Variants in ST14 observed in about 807,000 individuals in gnomAD.
ST14 encodes the protein ST14 transmembrane serine protease matriptase.
In ST14, 40 loss-of-function variants were observed where a neutral mutation model predicts 96.5. That is an observed-to-expected ratio of 0.41 (90% confidence interval 0.32 to 0.54). The LOEUF (loss-of-function observed/expected upper bound fraction) is 0.54. ST14 is among the 20% of genes least tolerant of loss of function. The pLI, the probability that ST14 is intolerant of heterozygous loss-of-function variation, is 0.17. For synonymous variants in ST14, 506 were observed against 492.1 expected, an observed-to-expected ratio of 1.03 and a Z score of -0.37; for missense variants, 1,066 against 1,188.9, an observed-to-expected ratio of 0.90 and a Z score of 1.52.
rs376693422 is a variant in ST14 at position 130,172,216 on chromosome 11, G to A, written c.81+12156G>A. ...TGCAGCCTTGACATCCCAGGCTCAAGTGATCCTCCCACCTCAGCCCGCTGA... is the reference window on the plus strand; with the variant it reads ...TGCAGCCTTGACATCCCAGGCTCAAATGATCCTCCCACCTCAGCCCGCTGA... On this transcript the variant is annotated intron_variant, in intron 1 of 18. Transcript: ENST00000278742. Among the ~76,000 whole-genome samples, 139 of 151,820 alleles carry A rather than the reference G, an allele frequency of 9.2e-4. 7 individuals are homozygous for A. In the South Asian group the frequency reaches 0.028, roughly 30 times the overall value.
intron 9 of ST14, among the ~76,000 whole-genome samples, chr11:130,195,019 A>G (rs1346750160): frequency 6.6e-6 from 1 of 152,164 alleles, no homozygotes; most frequent in Non-Finnish European, 1.5e-5. Context: ...AGACCAAGGC[A>G]GGAGGATCAC....
chr11:130,166,732 A>G (rs1485909666), intron 1 of ST14, among the ~76,000 whole-genome samples: 1 of 152,212 alleles, frequency 6.6e-6, no homozygotes, highest in African/African-American at 2.4e-5. Context: ...AGAAACCACG[A>G]GACCCAGAGT....
intron 1 of ST14, among the ~76,000 whole-genome samples, chr11:130,175,048 A>C (rs945220023): frequency 2.0e-5 from 3 of 152,250 alleles, no homozygotes; most frequent in Non-Finnish European, 4.4e-5. Context: ...GGAGAACTGC[A>C]GGTTAGGTGG....
Position 130,197,862 on chromosome 11 carries a change from G to A in ST14, c.1376G>A (p.Cys459Tyr). ...SSDPCPGQFT[C>Y]RTGRCIRKEL... Reference sequence around the variant, plus strand: ...GCAGCATGCCCGGGGCAGTTCACGTGCCGCACGGGGCGGTGTATCCGGAAG... The same window carrying A: ...GCAGCATGCCCGGGGCAGTTCACGTACCGCACGGGGCGGTGTATCCGGAAG... Residue 459 changes from cysteine to tyrosine, a missense_variant, in exon 12 of 19, where the codon TGC becomes TAC. By Grantham distance (194) the Cys-to-Tyr change is radical. Coordinates refer to ENST00000278742, the MANE Select transcript of ST14 (RefSeq NM_021978.4). 2 of 1,587,158 alleles carry A rather than the reference G, an allele frequency of 1.3e-6. No individual in the cohort carries two copies. Among genetic ancestry groups the A allele is most frequent in the Non-Finnish European group, 1.7e-6 (2 of 1,170,430 alleles).
chr11:130,178,508 G>A (rs1006846677), intron 1 of ST14, among the ~76,000 whole-genome samples: 1 of 152,234 alleles, frequency 6.6e-6, no homozygotes, highest in African/African-American at 2.4e-5. Flanking sequence ...AGTTGGGACG[G>A]GACTTGAAAC....
chr11:130,173,395 G>A (rs1349877659), intron 1 of ST14, among the ~76,000 whole-genome samples: 1 of 152,066 alleles, frequency 6.6e-6, no homozygotes, highest in Non-Finnish European at 1.5e-5. Flanking sequence ...GTCAGGAGTC[G>A]AGACCAGCCT....
rs1294637980 is a variant in ST14, at chr11:130,188,970, C to T, written c.440+31C>T. On this transcript the variant is annotated intron_variant, in intron 4 of 18. Coordinates refer to ENST00000278742, the MANE Select transcript of ST14 (RefSeq NM_021978.4). The surrounding 1 kb of genome is among the most constrained non-coding windows in gnomAD (Gnocchi z 5.4). ...TGTGGAGAGAAGGCTCAGTGGGATG[C>T]ACCCCAGACTGGCTGGGAGTAGGAT... 6.3e-7 allele frequency: 1 copy of T among 1,593,220 alleles called. No homozygotes were observed.
chr11:130,209,002 G>A (rs1953518209), intron 17 of ST14, among the ~76,000 whole-genome samples: 1 of 152,212 alleles, frequency 6.6e-6, no homozygotes. Context: ...TAAGGCACGT[G>A]AGGGGGTGGG....
At position 130,187,536 on chromosome 11, in the gene ST14, AC is replaced by A. The variant is rs961350688; in HGVS notation, c.82-576del. ...GAGCAGTTTTTTCCATGACAGCACC[AC>A]CTTTTTACTTTTGGCTGGTTCACCA... On this transcript the variant is annotated intron_variant, in intron 1 of 18. Transcript: ENST00000278742. This position sits in a 1 kb window ranked among gnomAD's most constrained non-coding sequence, Gnocchi z 4.5. Among the ~76,000 whole-genome samples, 1 of 151,936 alleles carries A rather than the reference AC, an allele frequency of 6.6e-6. No individual in the cohort carries two copies. The highest frequency in any genetic ancestry group is 1.9e-4 in the East Asian group (1 of 5,178).
chr11:130,196,481 C>A (rs1320389866), intron 10 of ST14, 33 bp downstream of exon 10: 2 of 1,589,818 alleles, frequency 1.3e-6, no homozygotes, highest in Non-Finnish European at 1.7e-6. Context: ...GCTGCCGGGC[C>A]CATGCTGCAG....
At chr11:130,177,589 C>T (rs1292882136) in intron 1 of ST14, among the ~76,000 whole-genome samples, 4 of 152,096 alleles carry the variant, frequency 2.6e-5, no homozygotes, top group African/African-American at 9.7e-5. Context: ...TTTTGTTTTG[C>T]CAACTGCCAT....
chr11:130,195,065 T>C (rs946162918), intron 9 of ST14, among the ~76,000 whole-genome samples: 23 of 151,924 alleles, frequency 1.5e-4, no homozygotes, highest in African/African-American at 5.6e-4. Context: ...CTGTGTAACA[T>C]AGTGAGACCT....
At chr11:130,195,651 G>A (rs921795934) in intron 9 of ST14, among the ~76,000 whole-genome samples, 8 of 151,292 alleles carry the variant, frequency 5.3e-5, no homozygotes, top group Non-Finnish European at 7.4e-5. Flanking sequence ...TCAGGAGTTC[G>A]AGACCAGCCT....
intron 15 of ST14, among the ~76,000 whole-genome samples, chr11:130,199,739 G>C (rs1218378198): frequency 6.6e-6 from 1 of 152,208 alleles, no homozygotes; most frequent in Non-Finnish European, 1.5e-5. Context: ...TTGAATTTGG[G>C]AGCGGGGAGA....
intron 11 of ST14, among the ~76,000 whole-genome samples, chr11:130,196,976 C>CCT (rs148103053): frequency 6.6e-6 from 1 of 151,672 alleles, no homozygotes; most frequent in Non-Finnish European, 1.5e-5. Context: ...TGAGCTTCCC[C>CCT]GGCCATCTGT....
intron 1 of ST14, among the ~76,000 whole-genome samples, chr11:130,172,701 A>G (rs948203861): frequency 7.9e-5 from 12 of 151,360 alleles, no homozygotes; most frequent in Admixed American, 2.0e-4. Flanking sequence ...ACAGGCGTGA[A>G]CCACCGCGCC....
In ST14 at chr11:130,208,478, G is replaced by C; in HGVS notation, c.2063G>C (p.Gly688Ala). The C allele has an allele frequency of 6.2e-7, 1 of 1,614,220 alleles. No homozygotes were observed. The highest frequency in any genetic ancestry group is 2.2e-5 in the East Asian group (1 of 44,890). ...LHDQSQRSAP[G>A]VQERRLKRII... ...GACCAGAGCCAGCGCAGCGCCCCTG[G>C]GGTGCAGGAGCGCAGGCTCAAGCGC... The change falls in exon 17 of 19, where the codon GGG becomes GCG. Residue 688 changes from glycine to alanine, a missense_variant. By Grantham distance (60) the Gly-to-Ala change is moderately conservative (BLOSUM62 0). Coordinates refer to ENST00000278742, the MANE Select transcript of ST14 (RefSeq NM_021978.4).
intron 1 of ST14, among the ~76,000 whole-genome samples, chr11:130,172,473 A>G (rs562857717): frequency 7.3e-6 from 1 of 137,622 alleles, no homozygotes; most frequent in East Asian, 2.2e-4. Context: ...GCTGGAGTGC[A>G]GTGGTGCGAT....
At chr11:130,177,952 G>A (rs1476809481) in intron 1 of ST14, among the ~76,000 whole-genome samples, 1 of 152,238 alleles carries the variant, frequency 6.6e-6, no homozygotes, top group Non-Finnish European at 1.5e-5. Flanking sequence ...CTTTCCACAA[G>A]GTCAGACTTA....
Sources: gnomAD v4.1 joint callset for allele counts (sites outside exome capture counted in the v4.1 genomes callset) on GRCh38, gnomAD v4.1.1 for gene constraint, Gnocchi (gnomAD v3.1) non-coding constraint, MANE v1.5 for transcripts, NCBI Gene and HGNC (gene_info 2026-07-23, HGNC 2026-07-21) for gene names.